MCTP1: variants seen among roughly 807,000 people sequenced by gnomAD.
MCTP1 encodes multiple C2 and transmembrane domain-containing protein 1.
Under a neutral mutation model 120.6 loss-of-function variants are expected in MCTP1, and 69 were observed. The ratio of observed to expected loss-of-function variants is 0.57; its 90% CI spans 0.47 to 0.70. The LOEUF (loss-of-function observed/expected upper bound fraction) is 0.70, where lower values mean the gene tolerates loss of function less well. Among genes scored for constraint, MCTP1 ranks in the 30% least tolerant of loss-of-function variants. The probability of loss-of-function intolerance (pLI) is 0.00; values close to 1 mark genes in which losing one functional copy is unlikely to be tolerated. For missense variants in MCTP1, 1,203 were observed against 1,248.8 expected, an observed-to-expected ratio of 0.96 and a Z score of 0.55; for synonymous variants, 529 against 493.1, an observed-to-expected ratio of 1.07 and a Z score of -0.96.
rs116433126 is a variant in MCTP1, at chr5:95,229,955, T to C, written c.720+53901A>G. Among the ~76,000 whole-genome samples the C allele has an allele frequency of 6.8e-3, 1,037 of 152,220 alleles. 15 individuals are homozygous for C. Among genetic ancestry groups the C allele is most frequent in the African/African-American group, 0.024 (982 of 41,532 alleles). ...CTCTCTTCCCACACCTTTATTCATT[T>C]CTGTCTACCCCTTTACTAGTCACCA... On this transcript the variant is annotated intron_variant, in intron 1 of 22. Coordinates refer to ENST00000515393, the MANE Select transcript of MCTP1 (RefSeq NM_024717.7).
At chr5:95,270,599 C>T (rs1759295833) in intron 1 of MCTP1, among the ~76,000 whole-genome samples, 2 of 152,002 alleles carry the variant, frequency 1.3e-5, no homozygotes, top group South Asian at 4.2e-4. Context: ...GGGAGGAACT[C>T]ATCAGCAAGT....
At chr5:95,229,225 G>A (rs576072269) in intron 1 of MCTP1, among the ~76,000 whole-genome samples, 254 of 152,254 alleles carry the variant, frequency 1.7e-3, no homozygotes, top group African/African-American at 5.9e-3. Context: ...AGGAGTCTAG[G>A]TTTTATCCAA....
chr5:95,059,504 C>G (rs1025691245), intron 1 of MCTP1, among the ~76,000 whole-genome samples: 1 of 151,898 alleles, frequency 6.6e-6, no homozygotes. Context: ...GTACTCAAAT[C>G]TCAGCATTAT....
At chr5:95,247,502 T>C (rs1756933597) in intron 1 of MCTP1, among the ~76,000 whole-genome samples, 1 of 152,220 alleles carries the variant, frequency 6.6e-6, no homozygotes, top group Non-Finnish European at 1.5e-5. Context: ...ATTTTAGATC[T>C]TTCCTGCTTT....
intron 7 of MCTP1, among the ~76,000 whole-genome samples, chr5:94,918,250 T>C (rs1184773686): frequency 6.6e-6 from 1 of 152,204 alleles, no homozygotes; most frequent in Non-Finnish European, 1.5e-5. Context: ...CCTAATTAAG[T>C]GATTTCAGGT....
chr5:94,847,762 A>C (rs1792807730), intron 17 of MCTP1, among the ~76,000 whole-genome samples: 1 of 151,116 alleles, frequency 6.6e-6, no homozygotes. Context: ...AATCAAGTTC[A>C]TCACCCCTCA....
At chr5:95,102,684 A>C (rs1756824891) in intron 1 of MCTP1, among the ~76,000 whole-genome samples, 1 of 151,736 alleles carries the variant, frequency 6.6e-6, no homozygotes, top group Non-Finnish European at 1.5e-5. Flanking sequence ...AAGGTATTGT[A>C]ACAATCCATG....
intron 2 of MCTP1, among the ~76,000 whole-genome samples, chr5:94,958,305 A>G (rs556862348): frequency 3.1e-4 from 47 of 152,386 alleles, no homozygotes; most frequent in African/African-American, 1.1e-3. Context: ...AAATGCCCAC[A>G]AGAGAAAGCA....
chr5:95,215,564 T>G (rs57093494), intron 1 of MCTP1, among the ~76,000 whole-genome samples: 1 of 152,194 alleles, frequency 6.6e-6, no homozygotes, highest in Non-Finnish European at 1.5e-5. Context: ...AGCTTTATTT[T>G]CCTCCTTTTT....
chr5:94,963,655 C>T (rs141235614), intron 2 of MCTP1, among the ~76,000 whole-genome samples: 4 of 151,844 alleles, frequency 2.6e-5, no homozygotes, highest in African/African-American at 4.8e-5. Context: ...TTTTGGTAAT[C>T]GAGTTATTTG....
chr5:94,882,999 G>T (rs1800456528), intron 12 of MCTP1, among the ~76,000 whole-genome samples: 2 of 152,198 alleles, frequency 1.3e-5, no homozygotes, highest in South Asian at 2.1e-4. Context: ...TTTGGTTTTA[G>T]AAGAACACTT....
At chr5:95,041,517 C>G (rs1335551302) in intron 1 of MCTP1, among the ~76,000 whole-genome samples, 1 of 152,002 alleles carries the variant, frequency 6.6e-6, no homozygotes, top group Non-Finnish European at 1.5e-5. Flanking sequence ...GATCTAGAAC[C>G]TTTCTCATGA....
At chr5:94,817,528 C>A (rs78530138) in intron 17 of MCTP1, among the ~76,000 whole-genome samples, 2,578 of 152,262 alleles carry the variant, frequency 0.017, 31 homozygotes, top group Non-Finnish European at 0.026. Flanking sequence ...TTACAAGGGT[C>A]TCAGTTCCCT....
At chr5:94,831,269 A>T (rs1788455230) in intron 17 of MCTP1, among the ~76,000 whole-genome samples, 1 of 152,198 alleles carries the variant, frequency 6.6e-6, no homozygotes, top group Non-Finnish European at 1.5e-5. Context: ...TTCCAAGTTG[A>T]TGACATCAAG....
intron 14 of MCTP1, among the ~76,000 whole-genome samples, 169 bp from the exon 15 acceptor site, chr5:94,871,142 A>G (rs932765876): frequency 1.3e-5 from 2 of 152,078 alleles, no homozygotes; most frequent in African/African-American, 4.8e-5. Context: ...GGAAAAATTA[A>G]CTATCATGGG....
intron 1 of MCTP1, among the ~76,000 whole-genome samples, chr5:95,051,663 A>T (rs1353147798): frequency 6.6e-6 from 1 of 152,226 alleles, no homozygotes; most frequent in Non-Finnish European, 1.5e-5. Flanking sequence ...TTTGAGATAT[A>T]CTATGCCACT....
At chr5:94,813,664 T>C (rs2153074977) in intron 17 of MCTP1, among the ~76,000 whole-genome samples, 1 of 152,206 alleles carries the variant, frequency 6.6e-6, no homozygotes, top group African/African-American at 2.4e-5. Context: ...GGATGGTGGA[T>C]CACTTGAGTC....
intron 17 of MCTP1, among the ~76,000 whole-genome samples, chr5:94,843,952 G>C (rs528120815): frequency 6.6e-6 from 1 of 152,252 alleles, no homozygotes; most frequent in Admixed American, 6.5e-5. Flanking sequence ...CAGTAGATTA[G>C]CTGGAAGCAG....
chr5:94,746,609 T>C (rs1003068472), intron 19 of MCTP1, among the ~76,000 whole-genome samples: 3 of 152,228 alleles, frequency 2.0e-5, no homozygotes, highest in Non-Finnish European at 4.4e-5. Context: ...TATAAGACAT[T>C]TTTATAATGT....
Sources: gnomAD v4.1 joint callset for allele counts (sites outside exome capture counted in the v4.1 genomes callset) on GRCh38, gnomAD v4.1.1 for gene constraint, MANE v1.5 for transcripts, NCBI Gene and HGNC (gene_info 2026-07-23, HGNC 2026-07-21) for gene names.